ENOX1: variants seen among roughly 807,000 people sequenced by gnomAD.
ENOX1 encodes ecto-NOX disulfide-thiol exchanger 1.
A neutral mutation model predicts 82.5 loss-of-function variants in ENOX1; 42 were observed. The ratio of observed to expected loss-of-function variants is 0.51; its 90% CI spans 0.40 to 0.66. ENOX1 has a LOEUF of 0.66. ENOX1 is among the 30% of genes least tolerant of loss of function. The pLI, the probability that ENOX1 is intolerant of heterozygous loss-of-function variation, is 0.00. For synonymous variants in ENOX1, 271 were observed against 282.2 expected (o/e 0.96, Z 0.40); for missense variants, 608 against 811.6 (o/e 0.75, Z 3.05).
chr13:43,383,557 A>G (rs1222816503), intron 5 of ENOX1, among the ~76,000 whole-genome samples: 1 of 152,146 alleles, frequency 6.6e-6, no homozygotes, highest in East Asian at 1.9e-4. Flanking sequence ...TGCTTCCCTT[A>G]CAACTGGTAT....
chr13:43,262,857 G>T (rs140851263), intron 14 of ENOX1, among the ~76,000 whole-genome samples: 1 of 152,116 alleles, frequency 6.6e-6, no homozygotes, highest in African/African-American at 2.4e-5. Flanking sequence ...AATGTACATG[G>T]TTTCATTTAA....
At chr13:43,469,117 TG>T (rs2153644802) in intron 3 of ENOX1, among the ~76,000 whole-genome samples, 1 of 152,316 alleles carries the variant, frequency 6.6e-6, no homozygotes, top group Admixed American at 6.5e-5. Context: ...TTTCCATAGA[TG>T]TTCTTTAGCT....
chr13:43,385,133 T>C (rs1296641553), intron 5 of ENOX1, among the ~76,000 whole-genome samples: 1 of 152,156 alleles, frequency 6.6e-6, no homozygotes, highest in Non-Finnish European at 1.5e-5. Flanking sequence ...AGTCCTTTTT[T>C]CTGTACATTT....
At chr13:43,697,335 T>C (rs1031660187) in intron 1 of ENOX1, among the ~76,000 whole-genome samples, 3 of 152,178 alleles carry the variant, frequency 2.0e-5, no homozygotes, top group Non-Finnish European at 2.9e-5. Context: ...TGGCCTGTTA[T>C]AACTTACCCT....
chr13:43,214,216 A>G, intron 16 of ENOX1, 95 bp from the exon 17 acceptor site: 3 of 1,322,356 alleles, frequency 2.3e-6, no homozygotes, highest in Non-Finnish European at 3.1e-6. Flanking sequence ...TGATATGAAC[A>G]GCATTTAGTT....
chr13:43,679,154 G>T (rs915610431), intron 1 of ENOX1, among the ~76,000 whole-genome samples: 2 of 152,140 alleles, frequency 1.3e-5, no homozygotes. Flanking sequence ...TCTTGACTCA[G>T]TTATCAACAT....
At chr13:43,233,886 C>G (rs1263768016) in intron 15 of ENOX1, among the ~76,000 whole-genome samples, 1 of 151,646 alleles carries the variant, frequency 6.6e-6, no homozygotes, top group Non-Finnish European at 1.5e-5. Context: ...CTTAATTATT[C>G]CAAGGGAAGA....
At chr13:43,298,565 C>T in intron 11 of ENOX1, 35 bp from the exon 12 acceptor site, 1 of 1,564,022 alleles carries the variant, frequency 6.4e-7, no homozygotes, top group South Asian at 1.2e-5. Context: ...AGGTGAGCTA[C>T]CTTCTTGCTT....
intron 2 of ENOX1, among the ~76,000 whole-genome samples, chr13:43,603,511 A>T (rs899495727): frequency 6.7e-6 from 1 of 149,784 alleles, no homozygotes; most frequent in Non-Finnish European, 1.5e-5. Context: ...AGCATTAGGT[A>T]TATCTCCTAA....
chr13:43,644,275 G>A lies in ENOX1; in HGVS notation c.-219+23204C>T, dbSNP rs1222364192. On this transcript the variant is annotated intron_variant, in intron 2 of 16. Coordinates refer to ENST00000690772, the MANE Select transcript of ENOX1 (RefSeq NM_001347969.2). Reference sequence around the variant, plus strand: ...GCTGGTAAATAATTAATTTTATAGTGAGTGACATATTTTGAAATCTGCAAA... The same window carrying A: ...GCTGGTAAATAATTAATTTTATAGTAAGTGACATATTTTGAAATCTGCAAA... 3.9e-5 allele frequency among the ~76,000 whole-genome samples: 6 copies of A among 152,102 alleles called. No individual in the cohort carries two copies. The East Asian group carries it at 9.6e-4, about 24-fold the overall frequency.
chr13:43,520,496 T>C (rs773804744), intron 2 of ENOX1, among the ~76,000 whole-genome samples: 2 of 152,180 alleles, frequency 1.3e-5, no homozygotes, highest in Non-Finnish European at 2.9e-5. Flanking sequence ...ATAAATACCA[T>C]ATGCAAGAAA....
chr13:43,313,456 A>C (rs2047319273), intron 11 of ENOX1, among the ~76,000 whole-genome samples: 1 of 152,234 alleles, frequency 6.6e-6, no homozygotes, highest in East Asian at 1.9e-4. Context: ...AGAATGACTG[A>C]AAATGTCTAG....
chr13:43,779,470 G>A (rs999409347), intron 1 of ENOX1, among the ~76,000 whole-genome samples: 8 of 152,280 alleles, frequency 5.3e-5, no homozygotes, highest in African/African-American at 1.4e-4. Context: ...CCCCACACAC[G>A]GGAGAGAAAC....
At chr13:43,621,185 AT>A (rs1297675626) in intron 2 of ENOX1, among the ~76,000 whole-genome samples, 3 of 152,164 alleles carry the variant, frequency 2.0e-5, no homozygotes, top group African/African-American at 7.2e-5. Context: ...GTGAGTTCTT[AT>A]CCATTCTGTG....
chr13:43,630,504 C>G (rs1228826390), intron 2 of ENOX1, among the ~76,000 whole-genome samples: 1 of 151,910 alleles, frequency 6.6e-6, no homozygotes, highest in Non-Finnish European at 1.5e-5. Flanking sequence ...ATACACAGTC[C>G]CCAGAAGGGT....
chr13:43,587,963 T>C (rs77281004), intron 2 of ENOX1, among the ~76,000 whole-genome samples: 1 of 137,650 alleles, frequency 7.3e-6, no homozygotes, highest in Non-Finnish European at 1.6e-5. Context: ...AAAAAAAAAA[T>C]CTATAACAGG....
chr13:43,753,369 C>T lies in ENOX1; in HGVS notation c.-285+33283G>A, dbSNP rs116442221. ...CAACAAGATTGGGAGAAATATTGTA[C>T]GGCTTCTGCACATTCTTGTCAGATG... On this transcript the variant is annotated intron_variant, in intron 1 of 16. Transcript: ENST00000690772. Among the ~76,000 whole-genome samples, 1,402 of 152,212 alleles carry T rather than the reference C, an allele frequency of 9.2e-3. 22 individuals are homozygous for T. The highest frequency in any genetic ancestry group is 0.032 in the African/African-American group (1,310 of 41,516).
At chr13:43,246,364 C>T (rs2043082066) in intron 14 of ENOX1, among the ~76,000 whole-genome samples, 2 of 152,322 alleles carry the variant, frequency 1.3e-5, no homozygotes, top group Admixed American at 6.5e-5. Context: ...CGCTCTGTGA[C>T]CAAATCCCTC....
intron 3 of ENOX1, among the ~76,000 whole-genome samples, chr13:43,427,677 C>T (rs2055404040): frequency 6.6e-6 from 1 of 152,192 alleles, no homozygotes; most frequent in Admixed American, 6.5e-5. Flanking sequence ...GTGAACAAGA[C>T]ATAGACCCTG....
Sources: gnomAD v4.1 joint callset for allele counts (sites outside exome capture counted in the v4.1 genomes callset) on GRCh38, gnomAD v4.1.1 for gene constraint, MANE v1.5 for transcripts, NCBI Gene and HGNC (gene_info 2026-07-23, HGNC 2026-07-21) for gene names.